The following ATE1 variants were observed in gnomAD, a reference collection of about 807,000 sequenced individuals.
ATE1 encodes the protein arginyl-tRNA--protein transferase 1.
A neutral mutation model predicts 70.5 loss-of-function variants in ATE1; 36 were observed. The ratio of observed to expected loss-of-function variants is 0.51; its 90% CI spans 0.39 to 0.67. ATE1 has a LOEUF of 0.67. Ranked by LOEUF, ATE1 falls within the 30% of genes least tolerant of loss-of-function variation. The pLI, the probability that ATE1 is intolerant of heterozygous loss-of-function variation, is 0.00. For missense variants in ATE1, 593 were observed against 629.5 expected (o/e 0.94, Z 0.62); for synonymous variants, 232 against 219.3 (o/e 1.06, Z -0.51).
intron 3 of ATE1, among the ~76,000 whole-genome samples, chr10:121,921,475 T>C (rs762065050): frequency 8.6e-5 from 13 of 151,172 alleles, no homozygotes; most frequent in African/African-American, 3.2e-4. Context: ...GCACTCAACA[T>C]GCAGAGAAGA....
At chr10:121,758,644 G>C (rs1315429741) in intron 11 of ATE1, among the ~76,000 whole-genome samples, 1 of 152,088 alleles carries the variant, frequency 6.6e-6, no homozygotes. Flanking sequence ...GGGTTTGTTT[G>C]TTTGTTTGTT....
intron 10 of ATE1, among the ~76,000 whole-genome samples, chr10:121,797,273 G>A (rs1371256283): frequency 6.6e-6 from 1 of 152,190 alleles, no homozygotes; most frequent in Non-Finnish European, 1.5e-5. Context: ...AACTGATACA[G>A]AGGAGGAGCA....
chr10:121,884,822 CTT>C (rs990990896), intron 7 of ATE1, among the ~76,000 whole-genome samples: 2 of 152,196 alleles, frequency 1.3e-5, no homozygotes, highest in Non-Finnish European at 1.5e-5. Flanking sequence ...TAATAAATGT[CTT>C]GTCACGGACC....
chr10:121,917,682 G>A (rs1158362659), intron 3 of ATE1, among the ~76,000 whole-genome samples: 1 of 152,066 alleles, frequency 6.6e-6, no homozygotes, highest in African/African-American at 2.4e-5. Flanking sequence ...TAAGCATGTT[G>A]CTTAAAGACA....
intron 8 of ATE1, among the ~76,000 whole-genome samples, chr10:121,844,224 C>T (rs1948733744): frequency 6.6e-6 from 1 of 152,184 alleles, no homozygotes; most frequent in Admixed American, 6.5e-5. Context: ...AAGATCGTGC[C>T]ACTGCACTTC....
intron 5 of ATE1, among the ~76,000 whole-genome samples, chr10:121,906,651 T>G (rs952570743): frequency 6.6e-6 from 1 of 151,716 alleles, no homozygotes; most frequent in Non-Finnish European, 1.5e-5. Flanking sequence ...CAGGCTGGAG[T>G]GCAGTGGCGT....
intron 5 of ATE1, among the ~76,000 whole-genome samples, chr10:121,907,321 C>T (rs552706587): frequency 2.3e-4 from 35 of 151,884 alleles, no homozygotes; most frequent in Non-Finnish European, 4.6e-4. Context: ...AAAAATTAGC[C>T]AGGTGTGGTG....
At chr10:121,790,345 A>C in intron 10 of ATE1, 56 bp from the exon 11 acceptor site, 1 of 1,593,924 alleles carries the variant, frequency 6.3e-7, no homozygotes, top group Non-Finnish European at 8.5e-7. Context: ...AATGCCAGAG[A>C]TAAAGGGATG....
intron 10 of ATE1, among the ~76,000 whole-genome samples, chr10:121,804,591 AATGTTTGGAGCATTGAGT>A (rs1947020349): frequency 6.6e-6 from 1 of 152,152 alleles, no homozygotes; most frequent in African/African-American, 2.4e-5. Context: ...TTTGGGCGTA[AATGTTTGGAGCATTGAGT>A]ATGTTTGGAA....
intron 7 of ATE1, among the ~76,000 whole-genome samples, chr10:121,870,665 C>A (rs760461729): frequency 7.9e-5 from 12 of 152,100 alleles, no homozygotes; most frequent in Non-Finnish European, 1.8e-4. Context: ...CTTTCTCTTT[C>A]TTTTTATGAC....
chr10:121,745,473 T>G (rs1359199132), intron 11 of ATE1, among the ~76,000 whole-genome samples: 2 of 152,078 alleles, frequency 1.3e-5, no homozygotes, highest in Non-Finnish European at 2.9e-5. Context: ...TCCCAGCACT[T>G]TGGGAGGCCA....
chr10:121,907,641 C>T (rs1369721600), intron 5 of ATE1, among the ~76,000 whole-genome samples: 2 of 151,568 alleles, frequency 1.3e-5, no homozygotes, highest in Non-Finnish European at 2.9e-5. Context: ...TGGTGGTGGG[C>T]GCCTGTAGTC....
intron 5 of ATE1, among the ~76,000 whole-genome samples, chr10:121,905,580 G>A (rs970336476): frequency 9.2e-5 from 14 of 152,082 alleles, no homozygotes; most frequent in Admixed American, 2.0e-4. Context: ...AGTGGCTCAC[G>A]CCTGTAATCC....
At chr10:121,870,470 A>G (rs1949813427) in intron 7 of ATE1, among the ~76,000 whole-genome samples, 1 of 149,252 alleles carries the variant, frequency 6.7e-6, no homozygotes, top group African/African-American at 2.4e-5. Flanking sequence ...GGGGAGAGGA[A>G]AGACCAGGGG....
intron 10 of ATE1, among the ~76,000 whole-genome samples, chr10:121,802,459 C>A (rs766100685): frequency 3.3e-5 from 5 of 152,030 alleles, no homozygotes; most frequent in Non-Finnish European, 2.9e-5. Flanking sequence ...CAGGCGCCCA[C>A]CACCACGTCT....
chr10:121,871,853 T>C (rs1287434839), intron 7 of ATE1, among the ~76,000 whole-genome samples: 2 of 152,184 alleles, frequency 1.3e-5, no homozygotes, highest in Admixed American at 1.3e-4. Context: ...GTGCAAAATA[T>C]ACCAAAATTT....
At chr10:121,807,819 A>G (rs1352978481) in intron 10 of ATE1, among the ~76,000 whole-genome samples, 2 of 152,324 alleles carry the variant, frequency 1.3e-5, no homozygotes, top group Admixed American at 6.5e-5. Context: ...GGTTGAAAAC[A>G]TATCAAAAGA....
intron 7 of ATE1, among the ~76,000 whole-genome samples, chr10:121,893,548 T>C (rs184097924): frequency 1.6e-4 from 24 of 152,200 alleles, no homozygotes; most frequent in African/African-American, 5.1e-4. Context: ...ATAATTATAA[T>C]TATTGAATTT....
intron 7 of ATE1, among the ~76,000 whole-genome samples, chr10:121,881,976 A>G (rs1371843710): frequency 6.6e-6 from 1 of 152,078 alleles, no homozygotes; most frequent in Non-Finnish European, 1.5e-5. Flanking sequence ...TTTGTATTTT[A>G]GTAGAGATGG....
Sources: allele counts gnomAD v4.1 joint callset (sites outside exome capture counted in the v4.1 genomes callset), GRCh38; gene constraint gnomAD v4.1.1; transcripts MANE v1.5; gene names NCBI Gene and HGNC (gene_info 2026-07-23, HGNC 2026-07-21).